The following XYLT1 variants were observed in gnomAD, a reference collection of about 807,000 sequenced individuals.
XYLT1 encodes the protein xylosyltransferase 1, also known as beta-D-xylosyltransferase 1.
In XYLT1, 36 loss-of-function variants were observed where a neutral mutation model predicts 91.3. The observed-to-expected ratio is 0.39, with a 90% CI of 0.30 to 0.52. The LOEUF is 0.52. Among genes scored for constraint, XYLT1 ranks in the 20% least tolerant of loss-of-function variants. XYLT1 has a pLI of 0.68. For synonymous variants in XYLT1, 588 were observed against 532.0 expected (o/e 1.11, Z -1.45); for missense variants, 1,242 against 1,284.5 (o/e 0.97, Z 0.51).
chr16:17,198,039 T>C, intron 5 of XYLT1, 173 bp downstream of exon 5: 4 of 688,296 alleles, frequency 5.8e-6, no homozygotes, highest in East Asian at 2.7e-5. Flanking sequence ...ATCTGTTGAA[T>C]GCATGAATGA....
intron 1 of XYLT1, among the ~76,000 whole-genome samples, chr16:17,391,900 C>T (rs2035824730): frequency 6.6e-6 from 1 of 152,170 alleles, no homozygotes; most frequent in African/African-American, 2.4e-5. Context: ...TGTTGCCTGC[C>T]TCTACGTAAG....
chr16:17,304,793 C>T (rs2034448117), intron 2 of XYLT1, among the ~76,000 whole-genome samples: 1 of 152,120 alleles, frequency 6.6e-6, no homozygotes, highest in Admixed American at 6.6e-5. Flanking sequence ...TCTCTGAATA[C>T]TCTCAAAGCA....
intron 2 of XYLT1, among the ~76,000 whole-genome samples, chr16:17,327,972 G>A (rs1010370873): frequency 3.3e-5 from 5 of 152,054 alleles, no homozygotes; most frequent in African/African-American, 1.2e-4. Context: ...ATGTTGCCTT[G>A]ACTATCGTTA....
At chr16:17,301,278 C>T (rs1319335808) in intron 2 of XYLT1, among the ~76,000 whole-genome samples, 5 of 151,924 alleles carry the variant, frequency 3.3e-5, no homozygotes, top group East Asian at 3.9e-4. Context: ...GGCATGGTGG[C>T]GGGCGCCTAT....
At chr16:17,339,094 T>C (rs2035030205) in intron 2 of XYLT1, among the ~76,000 whole-genome samples, 1 of 152,228 alleles carries the variant, frequency 6.6e-6, no homozygotes, top group African/African-American at 2.4e-5. Context: ...TGTGCACCAC[T>C]TGACTCTGTG....
chr16:17,275,126 A>G (rs1021092827), intron 2 of XYLT1, among the ~76,000 whole-genome samples: 3 of 152,084 alleles, frequency 2.0e-5, no homozygotes, highest in Admixed American at 2.0e-4. Context: ...GTAGTGAGCC[A>G]ATATTGCGCC....
intron 9 of XYLT1, among the ~76,000 whole-genome samples, chr16:17,130,113 C>T (rs1344459238): frequency 6.6e-6 from 1 of 152,244 alleles, no homozygotes; most frequent in Non-Finnish European, 1.5e-5. Flanking sequence ...AGAGCTACGC[C>T]AGTTGTCCCA....
intron 10 of XYLT1, among the ~76,000 whole-genome samples, chr16:17,125,866 C>G: frequency 6.6e-6 from 1 of 152,146 alleles, no homozygotes. Flanking sequence ...ACTGTAGGCA[C>G]TTGGTGACTA....
intron 11 of XYLT1, among the ~76,000 whole-genome samples, chr16:17,117,297 T>G (rs150577228): frequency 2.0e-5 from 3 of 152,254 alleles, no homozygotes; most frequent in African/African-American, 7.2e-5. Context: ...CAGAATTTCC[T>G]GTTTTGATTT....
intron 2 of XYLT1, among the ~76,000 whole-genome samples, chr16:17,274,005 G>A (rs3764250): frequency 0.53 from 80,756 of 151,138 alleles, 23,313 homozygotes; most frequent in African/African-American, 0.76. Context: ...TCTGCCTCCC[G>A]GGTTCAAGTG....
chr16:17,190,566 T>C (rs899417432), intron 5 of XYLT1, among the ~76,000 whole-genome samples: 36 of 151,810 alleles, frequency 2.4e-4, no homozygotes, highest in African/African-American at 8.7e-4. Context: ...GTCCTTGCGA[T>C]AGTTTGCCAA....
intron 1 of XYLT1, among the ~76,000 whole-genome samples, chr16:17,384,782 G>A (rs913783293): frequency 4.0e-5 from 6 of 151,892 alleles, no homozygotes; most frequent in East Asian, 2.0e-4. Context: ...GAGCAGCTCC[G>A]AGGGTGAGTA....
intron 1 of XYLT1, among the ~76,000 whole-genome samples, chr16:17,444,625 C>A (rs111627467): frequency 2.0e-5 from 3 of 152,142 alleles, no homozygotes; most frequent in African/African-American, 7.2e-5. Context: ...GGACTACAGG[C>A]ACAAGACACC....
chr16:17,112,454 A>G (rs948031355), intron 11 of XYLT1, among the ~76,000 whole-genome samples: 4 of 151,980 alleles, frequency 2.6e-5, no homozygotes, highest in African/African-American at 4.8e-5. Context: ...ACCCTAGAAG[A>G]AAACACTGGA....
intron 1 of XYLT1, among the ~76,000 whole-genome samples, chr16:17,380,253 A>ACT (rs2035662487): frequency 6.6e-6 from 1 of 152,158 alleles, no homozygotes; most frequent in Non-Finnish European, 1.5e-5. Flanking sequence ...ATGCCACTGA[A>ACT]CTCCAGCCTG....
chr16:17,391,916 C>A (rs555487632), intron 1 of XYLT1, among the ~76,000 whole-genome samples: 1 of 152,166 alleles, frequency 6.6e-6, no homozygotes, highest in Non-Finnish European at 1.5e-5. Context: ...GTAAGATGGG[C>A]CTTTGCTCCT....
chr16:17,465,416 A>G (rs1336030146), intron 1 of XYLT1, among the ~76,000 whole-genome samples: 1 of 152,086 alleles, frequency 6.6e-6, no homozygotes, highest in East Asian at 1.9e-4. Flanking sequence ...GTAAGGTAAC[A>G]TTTACAAATC....
intron 2 of XYLT1, among the ~76,000 whole-genome samples, chr16:17,339,646 T>C (rs1391077638): frequency 6.6e-6 from 1 of 152,136 alleles, no homozygotes; most frequent in East Asian, 1.9e-4. Flanking sequence ...TTGACCAGAT[T>C]CCGAAGGGAT....
At chr16:17,291,867 G>T (rs1483144999) in intron 2 of XYLT1, among the ~76,000 whole-genome samples, 1 of 152,106 alleles carries the variant, frequency 6.6e-6, no homozygotes, top group African/African-American at 2.4e-5. Context: ...ACGAGGTGTG[G>T]TAAGGAAAGG....
Sources: gnomAD v4.1 joint callset for allele counts (sites outside exome capture counted in the v4.1 genomes callset) on GRCh38, gnomAD v4.1.1 for gene constraint, MANE v1.5 for transcripts, NCBI Gene and HGNC (gene_info 2026-07-23, HGNC 2026-07-21) for gene names.